Variants in PPP2R3A observed in about 807,000 individuals in gnomAD.
The protein encoded by PPP2R3A is serine/threonine-protein phosphatase 2A regulatory subunit B'' subunit alpha.
PPP2R3A carries 80 observed loss-of-function variants against 106.9 expected under a neutral mutation model. That is an observed-to-expected ratio of 0.75 (90% CI 0.62 to 0.90). The LOEUF (loss-of-function observed/expected upper bound fraction) is 0.90. Ranked by LOEUF, PPP2R3A falls within the 40% of genes least tolerant of loss-of-function variation. The pLI, the probability that PPP2R3A is intolerant of heterozygous loss-of-function variation, is 0.00. For synonymous variants in PPP2R3A, 483 were observed against 468.3 expected (o/e 1.03, Z -0.41); for missense variants, 1,386 against 1,350.4 (o/e 1.03, Z -0.41).
chr3:136,142,968 A>G (rs1314825130), intron 13 of PPP2R3A, among the ~76,000 whole-genome samples: 1 of 152,206 alleles, frequency 6.6e-6, no homozygotes, highest in Non-Finnish European at 1.5e-5. Flanking sequence ...TTTCACTTGC[A>G]TTAGCGGAAA....
chr3:135,984,916 G>A (rs1937585922), intron 1 of PPP2R3A, among the ~76,000 whole-genome samples: 1 of 152,196 alleles, frequency 6.6e-6, no homozygotes, highest in East Asian at 1.9e-4. Flanking sequence ...GCACCACCAC[G>A]AGAGTTTGTG....
intron 13 of PPP2R3A, among the ~76,000 whole-genome samples, chr3:136,108,336 A>G (rs1221791010): frequency 6.6e-6 from 1 of 152,226 alleles, no homozygotes; most frequent in Admixed American, 6.5e-5. Context: ...ATTAAGCATT[A>G]AAATCATTTT....
chr3:136,065,842 A>G (rs1936249314), intron 5 of PPP2R3A, among the ~76,000 whole-genome samples: 1 of 152,038 alleles, frequency 6.6e-6, no homozygotes, highest in Non-Finnish European at 1.5e-5. Context: ...CACCCAGCTA[A>G]TTTTTACATT....
intron 1 of PPP2R3A, among the ~76,000 whole-genome samples, chr3:135,998,205 T>G (rs1457582802): frequency 6.6e-6 from 1 of 152,218 alleles, no homozygotes; most frequent in African/African-American, 2.4e-5. Context: ...TGTGTTTCCC[T>G]CTACCTGGAG....
intron 5 of PPP2R3A, among the ~76,000 whole-genome samples, chr3:136,053,350 T>G (rs1935745880): frequency 6.6e-6 from 1 of 152,018 alleles, no homozygotes; most frequent in Non-Finnish European, 1.5e-5. Flanking sequence ...ATAAATGGAT[T>G]TATATGGATC....
intron 1 of PPP2R3A, among the ~76,000 whole-genome samples, chr3:135,970,074 G>A (rs1325747652): frequency 1.3e-5 from 2 of 152,190 alleles, no homozygotes; most frequent in African/African-American, 2.4e-5. Flanking sequence ...CTAATGCTGT[G>A]GTCCACCTAA....
intron 12 of PPP2R3A, among the ~76,000 whole-genome samples, chr3:136,104,873 G>A (rs1937476168): frequency 6.6e-6 from 1 of 152,136 alleles, no homozygotes; most frequent in Admixed American, 6.5e-5. Context: ...ACAAAAGTGT[G>A]TGGTCTTTTC....
intron 1 of PPP2R3A, among the ~76,000 whole-genome samples, chr3:135,991,671 C>G (rs1009486005): frequency 6.6e-6 from 1 of 152,088 alleles, no homozygotes; most frequent in Admixed American, 6.6e-5. Context: ...TTCTCATGTT[C>G]CCTAGACCCC....
At chr3:136,124,029 A>AAT (rs1559933323) in intron 13 of PPP2R3A, among the ~76,000 whole-genome samples, 1 of 152,254 alleles carries the variant, frequency 6.6e-6, no homozygotes, top group Non-Finnish European at 1.5e-5. Context: ...TGATTACAAT[A>AAT]ATATAAATAT....
chr3:136,126,648 C>T (rs1299078141), intron 13 of PPP2R3A, among the ~76,000 whole-genome samples: 1 of 152,218 alleles, frequency 6.6e-6, no homozygotes, highest in Non-Finnish European at 1.5e-5. Context: ...GTTCTCCCAG[C>T]ACAGCATTTG....
chr3:135,992,491 C>G (rs554499550), intron 1 of PPP2R3A, among the ~76,000 whole-genome samples: 86 of 152,182 alleles, frequency 5.7e-4, no homozygotes, highest in Non-Finnish European at 4.9e-4. Context: ...ATACTCTGCT[C>G]CAGATGTTTC....
intron 1 of PPP2R3A, among the ~76,000 whole-genome samples, chr3:135,969,138 A>T (rs776900300): frequency 5.0e-4 from 76 of 152,348 alleles, no homozygotes; most frequent in Non-Finnish European, 9.0e-4. Context: ...GTATATGTGT[A>T]TATATTTGTA....
chr3:136,002,278 T>C lies in PPP2R3A; in HGVS notation c.780T>C (p.Ser260=). Reference sequence around the variant, plus strand: ...AATGCATAAAGAAAAAATCAGGGAGTAGCATCAGTGAAGGAAGTGGTAATG... The same window carrying C: ...AATGCATAAAGAAAAAATCAGGGAGCAGCATCAGTGAAGGAAGTGGTAATG... ...IKQCIKKKSG[S]SISEGSGNDT... The change falls in exon 2 of 14, where the codon AGT becomes AGC. Residue 260 remains serine, a synonymous_variant. Transcript: ENST00000264977. 2 of 1,613,364 alleles carry C rather than the reference T, an allele frequency of 1.2e-6. No homozygotes were observed. The highest frequency in any genetic ancestry group is 1.1e-5 in the South Asian group (1 of 91,048).
chr3:136,033,091 G>T lies in PPP2R3A; in HGVS notation c.2262+5993G>T, dbSNP rs993460189. 2.0e-5 allele frequency among the ~76,000 whole-genome samples: 3 copies of T among 152,212 alleles called. No homozygotes were observed. The East Asian group carries it at 5.8e-4, about 29-fold the overall frequency. ...CTGAGAGTTTTCATCATAAAGGGAT[G>T]CTGGATTTTATCAAATGCTTTTTCT... is the stretch of plus-strand genomic sequence containing the variant. On this transcript the variant is annotated intron_variant, in intron 3 of 13. Transcript: ENST00000264977.
chr3:136,037,229 C>T (rs1935115426), intron 3 of PPP2R3A, among the ~76,000 whole-genome samples: 1 of 152,210 alleles, frequency 6.6e-6, no homozygotes, highest in African/African-American at 2.4e-5. Context: ...TGAAGTTTAG[C>T]TCATTCATCT....
intron 5 of PPP2R3A, among the ~76,000 whole-genome samples, chr3:136,066,950 A>G (rs1936279049): frequency 6.6e-6 from 1 of 152,224 alleles, no homozygotes; most frequent in Admixed American, 6.5e-5. Flanking sequence ...TCTTAACATG[A>G]TGAAATACAT....
chr3:136,007,075 A>G (rs1382455943), intron 2 of PPP2R3A, among the ~76,000 whole-genome samples: 3 of 152,198 alleles, frequency 2.0e-5, no homozygotes, highest in Non-Finnish European at 4.4e-5. Context: ...CCTAATTCAC[A>G]TCTGATCTTC....
intron 3 of PPP2R3A, among the ~76,000 whole-genome samples, chr3:136,028,215 T>G (rs1934737000): frequency 6.6e-6 from 1 of 152,204 alleles, no homozygotes; most frequent in South Asian, 2.1e-4. Flanking sequence ...TTGTGTATTA[T>G]TGGAGAAGTC....
intron 2 of PPP2R3A, among the ~76,000 whole-genome samples, chr3:136,019,453 T>C (rs915881524): frequency 2.0e-5 from 3 of 152,156 alleles, no homozygotes; most frequent in Non-Finnish European, 4.4e-5. Flanking sequence ...GCCCCATAGA[T>C]TGTACATTCC....
Sources: gnomAD v4.1 joint callset for allele counts (sites outside exome capture counted in the v4.1 genomes callset) on GRCh38, gnomAD v4.1.1 for gene constraint, MANE v1.5 for transcripts, NCBI Gene and HGNC (gene_info 2026-07-23, HGNC 2026-07-21) for gene names.